The following STIP1 variants were observed in gnomAD, a reference collection of about 807,000 sequenced individuals.
STIP1 encodes the protein stress-induced-phosphoprotein 1.
Under a neutral mutation model 77.4 loss-of-function variants are expected in STIP1, and 16 were observed. The ratio of observed to expected loss-of-function variants is 0.21; its 90% CI spans 0.14 to 0.31. The LOEUF (loss-of-function observed/expected upper bound fraction) is 0.31, where lower values mean the gene tolerates loss of function less well. Among genes scored for constraint, STIP1 ranks in the 10% least tolerant of loss-of-function variants. The probability of loss-of-function intolerance (pLI) is 1.00; values close to 1 mark genes in which losing one functional copy is unlikely to be tolerated. For missense variants in STIP1, 524 were observed against 684.8 expected (o/e 0.77, Z 2.62); for synonymous variants, 258 against 246.6 (o/e 1.05, Z -0.44).
intron 9 of STIP1, 22 bp from the exon 10 acceptor site, chr11:64,200,147 A>T (rs768541369): frequency 1.2e-6 from 2 of 1,609,686 alleles, no homozygotes; most frequent in Non-Finnish European, 1.7e-6. Flanking sequence ...TTTAAAAGAC[A>T]GTCTTTGTTT....
In STIP1 at chr11:64,190,187, T is replaced by A. The variant is rs529268043; in HGVS notation, c.10-2891T>A. Among the ~76,000 whole-genome samples the A allele has an allele frequency of 5.3e-5, 8 of 151,942 alleles. No homozygotes were observed. The East Asian group carries it at 5.8e-4, about 11-fold the overall frequency. On this transcript the variant is annotated intron_variant, in intron 1 of 13. Coordinates refer to ENST00000305218, the MANE Select transcript of STIP1 (RefSeq NM_006819.3). ...GGGCAATTTATTTATTTATTTATTTTTTTGAGACTGAGTTTCGCTCTTGTT... is the reference window on the plus strand; with the variant it reads ...GGGCAATTTATTTATTTATTTATTTATTTGAGACTGAGTTTCGCTCTTGTT...
chr11:64,196,255 G>C lies in STIP1; in HGVS notation c.672+442G>C, dbSNP rs549191434. Among the ~76,000 whole-genome samples, 41 of 151,974 alleles carry C rather than the reference G, an allele frequency of 2.7e-4. 1 individual carries two copies. In the South Asian group the frequency reaches 8.4e-3, roughly 31 times the overall value. On this transcript the variant is annotated intron_variant, in intron 5 of 13. Coordinates refer to ENST00000305218, the MANE Select transcript of STIP1 (RefSeq NM_006819.3). ...CACTAAAAACACAAAAATTAGCCAGGTGTCATGGTGGGCGCCTGTAGTCCC... is the reference window on the plus strand; with the variant it reads ...CACTAAAAACACAAAAATTAGCCAGCTGTCATGGTGGGCGCCTGTAGTCCC...
At chr11:64,196,644 C>T (rs970700296) in intron 5 of STIP1, among the ~76,000 whole-genome samples, 4 of 152,096 alleles carry the variant, frequency 2.6e-5, no homozygotes, top group Admixed American at 6.6e-5. Flanking sequence ...TGGGAGTGTC[C>T]GCTAAGCAGC....
Position 64,188,835 on chromosome 11 carries a change from C to A in STIP1, c.9+2565C>A, listed in dbSNP as rs529131442. ...TAATCCCAGGTGTGTTTGAGCCCAC[C>A]ATCTGGAAGCCATTCCTGAAAACAA... On this transcript the variant is annotated intron_variant, in intron 1 of 13. Transcript: ENST00000305218. Among the ~76,000 whole-genome samples, 6 of 152,328 alleles carry A rather than the reference C, an allele frequency of 3.9e-5. No homozygotes were observed. The South Asian group carries it at 1.2e-3, about 32-fold the overall frequency.
chr11:64,200,031 A>G lies in STIP1; in HGVS notation c.1115A>G (p.Gln372Arg). 1 of 1,614,208 alleles carries G rather than the reference A, an allele frequency of 6.2e-7. No homozygotes were observed. The change falls in exon 9 of 14, where the codon CAG becomes CGG. Residue 372 changes from glutamine (Q) to arginine (R), a missense_variant. Transcript: ENST00000305218. ...AAGAACAAAGGCAACGAGTGTTTTC[A>G]GAAAGGTACTGCCTGCAGCTGGGGG... ...EEKNKGNECF[Q>R]KGDYPQAMKH...
chr11:64,203,027 A>G, intron 11 of STIP1, 98 bp from the exon 12 acceptor site: 1 of 1,596,130 alleles, frequency 6.3e-7, no homozygotes, highest in Non-Finnish European at 8.6e-7. Context: ...AGGATCCAAC[A>G]TCAGCAGGTG....
chr11:64,199,686 C>G (rs1946194171), intron 8 of STIP1, among the ~76,000 whole-genome samples: 2 of 150,332 alleles, frequency 1.3e-5, no homozygotes, highest in East Asian at 4.0e-4. Context: ...GCCTCAGTCT[C>G]CCGAGTAGCT....
chr11:64,186,162 G>C, upstream of STIP1: 2 of 1,550,546 alleles, frequency 1.3e-6, no homozygotes, highest in Non-Finnish European at 1.7e-6. Flanking sequence ...CGGGAGCCGG[G>C]GTCCCGGTAG....
At chr11:64,188,037 CAAAAAAAAA>C (rs34070761) in intron 1 of STIP1, among the ~76,000 whole-genome samples, 1 of 72,192 alleles carries the variant, frequency 1.4e-5, no homozygotes, top group Non-Finnish European at 2.7e-5. Flanking sequence ...GACTCCGTCT[CAAAAAAAAA>C]AAAAAAAAAA....
At chr11:64,188,732 A>G (rs1001832646) in intron 1 of STIP1, among the ~76,000 whole-genome samples, 6 of 152,200 alleles carry the variant, frequency 3.9e-5, no homozygotes, top group South Asian at 2.1e-4. Context: ...AAGTGTATGT[A>G]CAGGTAGGTA....
At chr11:64,186,809 C>A (rs935818739) in intron 1 of STIP1, among the ~76,000 whole-genome samples, 1 of 152,120 alleles carries the variant, frequency 6.6e-6, no homozygotes, top group Non-Finnish European at 1.5e-5. Context: ...GCAGTTGGGG[C>A]AAATGTTACT....
intron 10 of STIP1, among the ~76,000 whole-genome samples, chr11:64,200,564 A>G (rs1946206891): frequency 6.7e-6 from 1 of 148,774 alleles, no homozygotes; most frequent in African/African-American, 2.5e-5. Flanking sequence ...TGCGTGTGTA[A>G]AATATGGGAC....
chr11:64,201,904 C>T (rs1432706666), intron 10 of STIP1, among the ~76,000 whole-genome samples: 1 of 152,184 alleles, frequency 6.6e-6, no homozygotes, highest in Non-Finnish European at 1.5e-5. Flanking sequence ...TGTTCTCTTC[C>T]TCATCATTTC....
intron 6 of STIP1, 43 bp from the exon 7 acceptor site, chr11:64,197,449 GA>G (rs1946163250): frequency 6.2e-7 from 1 of 1,614,004 alleles, no homozygotes; most frequent in Non-Finnish European, 8.5e-7. Flanking sequence ...TCTGAGGGAG[GA>G]AGCAAAGACT....
intron 2 of STIP1, 79 bp from the exon 3 acceptor site, chr11:64,194,110 G>A: frequency 5.2e-6 from 8 of 1,543,658 alleles, no homozygotes; most frequent in Non-Finnish European, 5.2e-6. Context: ...CATAAAAGTA[G>A]AATTGTTCTT....
chr11:64,186,224 C>T lies in STIP1; in HGVS notation c.-38C>T, dbSNP rs759277826. On this transcript the variant is annotated 5_prime_UTR_variant, in exon 1 of 14. The change creates a new upstream start codon in the 5' untranslated region. Coordinates refer to ENST00000305218, the MANE Select transcript of STIP1 (RefSeq NM_006819.3). The stretch of plus-strand genomic sequence containing the variant: ...CGTGCGGTTGGGAACGCGGAGCGGA[C>T]GGATTCGATTCAACGGGGTTCCGGA... The T allele has an allele frequency of 5.8e-6, 9 of 1,544,702 alleles. No homozygotes were observed. The highest frequency in any genetic ancestry group is 7.0e-6 in the Non-Finnish European group (8 of 1,143,370).
intron 5 of STIP1, 67 bp downstream of exon 5, chr11:64,195,880 G>T (rs772082381): frequency 3.8e-6 from 6 of 1,598,872 alleles, no homozygotes; most frequent in South Asian, 2.2e-5. Flanking sequence ...TGTTGAATGG[G>T]GACATCTGTT....
At position 64,201,616 on chromosome 11, in the gene STIP1, T is replaced by C. The variant is rs568388467; in HGVS notation, c.1246-1260T>C. On this transcript the variant is annotated intron_variant, in intron 10 of 13. Coordinates refer to ENST00000305218, the MANE Select transcript of STIP1 (RefSeq NM_006819.3). ...TGACCTGTCTAGAAACAGCCATACC[T>C]GGGTTTGTGTTGGTTTTTATATTTT... Among the ~76,000 whole-genome samples, 70 of 152,248 alleles carry C rather than the reference T, an allele frequency of 4.6e-4. 1 individual carries two copies. Among genetic ancestry groups the C allele is most frequent in the African/African-American group, 1.5e-3 (63 of 41,528 alleles).
upstream of STIP1, chr11:64,185,631 G>T: frequency 1.4e-6 from 1 of 700,264 alleles, no homozygotes; most frequent in Non-Finnish European, 2.3e-6. Context: ...TCGGGAGCGA[G>T]AGGGAAAGCA....
Sources: gnomAD v4.1 joint callset for allele counts (sites outside exome capture counted in the v4.1 genomes callset) on GRCh38, gnomAD v4.1.1 for gene constraint, MANE v1.5 for transcripts, NCBI Gene and HGNC (gene_info 2026-07-23, HGNC 2026-07-21) for gene names.